KCNQ2: variants seen among roughly 807,000 people sequenced by gnomAD.
KCNQ2 encodes the protein potassium voltage-gated channel subfamily Q member 2.
A neutral mutation model predicts 84.8 loss-of-function variants in KCNQ2; 14 were observed. That is an observed-to-expected ratio of 0.17 (90% CI 0.11 to 0.26). The LOEUF is 0.26. KCNQ2 is among the 10% of genes least tolerant of loss of function. The pLI is 1.00. For synonymous variants in KCNQ2, 599 were observed against 554.1 expected (o/e 1.08, Z -1.14); for missense variants, 788 against 1,254.0 (o/e 0.63, Z 5.61).
At chr20:63,410,773 G>A (rs73918906) in intron 15 of KCNQ2, among the ~76,000 whole-genome samples, 12,221 of 152,224 alleles carry the variant, frequency 0.08, 547 homozygotes, top group Middle Eastern at 0.15. Flanking sequence ...CCCAGACGCC[G>A]TCCCCACCAG....
At chr20:63,444,501 C>T (rs2081352945) in intron 4 of KCNQ2, among the ~76,000 whole-genome samples, 158 bp downstream of exon 4, 1 of 152,168 alleles carries the variant, frequency 6.6e-6, no homozygotes, top group South Asian at 2.1e-4. Flanking sequence ...GGGAGGGAGG[C>T]TCGTTCACAC....
At chr20:63,424,278 C>A in intron 10 of KCNQ2, 72 bp from the exon 11 acceptor site, 28 of 1,509,922 alleles carry the variant, frequency 1.9e-5, no homozygotes, top group Non-Finnish European at 2.4e-5. Context: ...ACCAGTCCAG[C>A]CCCCCACAGT....
rs2145483858 is a variant in KCNQ2, at chr20:63,406,894, A to G, written c.2369T>C (p.Ile790Thr). The G allele has an allele frequency of 6.2e-7, 1 of 1,611,566 alleles. No individual in the cohort carries two copies. Among genetic ancestry groups the G allele is most frequent in the Non-Finnish European group, 8.5e-7 (1 of 1,179,576 alleles). ...NLRDSDTSIS[I>T]PSVDHEELER... ...CAGCTCCTCGTGGTCCACGGACGGG[A>G]TGGAGATGGACGTGTCGCTGTCCCG... Residue 790 changes from isoleucine (I) to threonine (T), a missense_variant, in exon 17 of 17, where the codon ATC becomes ACC. By Grantham distance (89) the Ile-to-Thr change is moderately conservative. Around this residue, in one of 8 missense-constraint regions of KCNQ2, gnomAD observed 378 missense variants for 434.5 expected, o/e 0.87. Transcript: ENST00000359125.
intron 1 of KCNQ2, among the ~76,000 whole-genome samples, chr20:63,456,097 T>A (rs1600833445): frequency 9.8e-6 from 1 of 102,256 alleles, no homozygotes; most frequent in South Asian, 4.0e-4. Context: ...GGGAGGCCCC[T>A]CTGCCCACGG....
At chr20:63,453,039 G>T (rs896470755) in intron 1 of KCNQ2, among the ~76,000 whole-genome samples, 4 of 152,166 alleles carry the variant, frequency 2.6e-5, no homozygotes, top group African/African-American at 9.7e-5. Flanking sequence ...AAGAGCCAGA[G>T]CCTGCCCCAC....
chr20:63,461,517 C>G (rs967088818), intron 1 of KCNQ2, among the ~76,000 whole-genome samples: 2 of 152,220 alleles, frequency 1.3e-5, no homozygotes, highest in Non-Finnish European at 2.9e-5. Flanking sequence ...AGGGGATCCT[C>G]TGGCCCACGA....
In KCNQ2 at chr20:63,407,170, T is replaced by A; in HGVS notation, c.2093A>T (p.Gln698Leu). 6.2e-7 allele frequency: 1 copy of A among 1,602,614 alleles called. No individual in the cohort carries two copies. The highest frequency in any genetic ancestry group is 8.5e-7 in the Non-Finnish European group (1 of 1,177,530). ...KIVRSSSSTG[Q>L]KNFSAPPAAP... ...GGCCGGGGGCGCCGAGAAGTTCTTC[T>A]GGCCCGTGGAGCTGCTGGAGCGCAC... Residue 698 changes from glutamine to leucine, a missense_variant, in exon 17 of 17, where the codon CAG becomes CTG. Around this residue, in one of 8 missense-constraint regions of KCNQ2, gnomAD observed 378 missense variants for 434.5 expected, o/e 0.87. Transcript: ENST00000359125. This position sits in a 1 kb window ranked among gnomAD's most constrained non-coding sequence, Gnocchi z 7.2.
At position 63,472,582 on chromosome 20, in the gene KCNQ2, T is replaced by C; in HGVS notation, c.-119A>G. ...GGAGCCGCATGGCCGAGGCGGCGGT[T>C]CCGCACTCCTGCCGGGCTTGGGCCG... On this transcript the variant is annotated 5_prime_UTR_variant, in exon 1 of 17. Transcript: ENST00000359125. The C allele has an allele frequency of 1.2e-6, 1 of 868,926 alleles. No homozygotes were observed. The highest frequency in any genetic ancestry group is 1.5e-6 in the Non-Finnish European group (1 of 680,306). The allele number at this position is 868,926 out of a possible 1,614,324, so 53.8% of individuals were successfully genotyped here. A position where few individuals can be genotyped will look rare whatever the true frequency, so the allele number is the denominator to read the frequency against.
At chr20:63,455,794 T>TTC (rs2081767483) in intron 1 of KCNQ2, among the ~76,000 whole-genome samples, 2 of 143,308 alleles carry the variant, frequency 1.4e-5, no homozygotes, top group East Asian at 2.1e-4. Context: ...ACCCCTGTGC[T>TTC]CACGGACCCC....
At chr20:63,424,259 G>T in intron 10 of KCNQ2, 53 bp from the exon 11 acceptor site, 1 of 1,548,324 alleles carries the variant, frequency 6.5e-7, no homozygotes, top group Non-Finnish European at 8.7e-7. Context: ...CACCCATGAG[G>T]GTCCCCCAAC....
At chr20:63,424,879 G>A (rs763608029) in intron 10 of KCNQ2, among the ~76,000 whole-genome samples, 1 of 152,222 alleles carries the variant, frequency 6.6e-6, no homozygotes, top group African/African-American at 2.4e-5. Flanking sequence ...GATCTCATTC[G>A]AACACCTGGG....
At chr20:63,449,850 A>C (rs966841645) in intron 1 of KCNQ2, among the ~76,000 whole-genome samples, 7 of 151,488 alleles carry the variant, frequency 4.6e-5, no homozygotes, top group African/African-American at 1.5e-4. Flanking sequence ...CCATCACCCC[A>C]GGCTCAGGCT....
In KCNQ2 at chr20:63,472,265, G is replaced by A. The variant is rs972841085; in HGVS notation, c.199C>T (p.Pro67Ser). Residue 67 changes from proline (P) to serine (S), a missense_variant, in exon 1 of 17, where the codon CCC becomes TCC. Physicochemically the swap from Pro to Ser is moderately conservative, Grantham distance 74. Coordinates refer to ENST00000359125, the MANE Select transcript of KCNQ2 (RefSeq NM_172107.4). The part of the protein sequence containing the change: ...PRAGGAGAGK[P>S]PKRNAFYRKL... ...CGGTAGAAGGCGTTGCGCTTGGGGG[G>A]CTTCCCGGCGCCCGCGCCGCCCGCG... 1.6e-5 allele frequency: 24 copies of A among 1,537,962 alleles called. No individual in the cohort carries two copies. The highest frequency in any genetic ancestry group is 2.8e-5 in the African/African-American group (2 of 70,772).
Position 63,415,130 on chromosome 20 carries a change from C to T in KCNQ2, c.1302-4G>A, listed in dbSNP as rs1014669558. 6 of 1,525,874 alleles carry T rather than the reference C, an allele frequency of 3.9e-6. No individual in the cohort carries two copies. Among genetic ancestry groups the T allele is most frequent in the Non-Finnish European group, 3.5e-6 (4 of 1,136,952 alleles). 94.5% of individuals were successfully genotyped at this position (1,525,874 alleles called of 1,614,324 possible). A position where few individuals can be genotyped will look rare whatever the true frequency, so the allele number is the denominator to read the frequency against. On this transcript the variant is annotated splice_region_variant and splice_polypyrimidine_tract_variant and intron_variant, in intron 12 of 16. Coordinates refer to ENST00000359125, the MANE Select transcript of KCNQ2 (RefSeq NM_172107.4). ...ATCTTTCAAACTGACCTTCTGGCTGCTCCCACGGGAACCGACAGACAGACA... is the reference window on the plus strand; with the variant it reads ...ATCTTTCAAACTGACCTTCTGGCTGTTCCCACGGGAACCGACAGACAGACA...
At chr20:63,417,951 T>C (rs1316658709) in intron 12 of KCNQ2, among the ~76,000 whole-genome samples, 1 of 152,068 alleles carries the variant, frequency 6.6e-6, no homozygotes, top group Non-Finnish European at 1.5e-5. Context: ...GCGGCCCTGC[T>C]GTCCCGGGTC....
At chr20:63,466,524 G>T (rs796095854) in intron 1 of KCNQ2, 16 of 152,358 alleles carry the variant, frequency 1.1e-4, no homozygotes, top group African/African-American at 2.9e-4. Flanking sequence ...TCCGTCCGGG[G>T]TGAGGCCTTC....
rs1206116077 is a variant in KCNQ2 at position 63,425,832 on chromosome 20, G to A, written c.1218-1626C>T. Among the ~76,000 whole-genome samples the A allele has an allele frequency of 6.6e-6, 1 of 152,204 alleles. No individual in the cohort carries two copies. Reference sequence around the variant, plus strand: ...TGAGACCGTGGGTGTGCGCCAACCTGGGGCTAAAGTCCTCCATGCATGGGC... The same window carrying A: ...TGAGACCGTGGGTGTGCGCCAACCTAGGGCTAAAGTCCTCCATGCATGGGC... On this transcript the variant is annotated intron_variant, in intron 10 of 16. Transcript: ENST00000359125. This position sits in a 1 kb window ranked among gnomAD's most constrained non-coding sequence, Gnocchi z 5.5.
chr20:63,407,834 C>G lies in KCNQ2; in HGVS notation c.1888-459G>C, dbSNP rs1357680567. ...AGAGGAGGCCCAGGAGCAGCTCTTC[C>G]TCCTTCCCAGACCCCTAGGGGCAAA... On this transcript the variant is annotated intron_variant, in intron 16 of 16. Coordinates refer to ENST00000359125, the MANE Select transcript of KCNQ2 (RefSeq NM_172107.4). The surrounding 1 kb of genome is among the most constrained non-coding windows in gnomAD (Gnocchi z 7.2). 2.5e-5 allele frequency: 5 copies of G among 202,110 alleles called. No homozygotes were observed. Among genetic ancestry groups the G allele is most frequent in the Non-Finnish European group, 4.1e-5 (4 of 97,928 alleles). The allele number at this position is 202,110 out of a possible 1,614,324, so 12.5% of individuals were successfully genotyped here. A position where few individuals can be genotyped will look rare whatever the true frequency, so the allele number is the denominator to read the frequency against.
chr20:63,423,319 G>A (rs572117878), intron 11 of KCNQ2, among the ~76,000 whole-genome samples: 31 of 152,160 alleles, frequency 2.0e-4, no homozygotes, highest in Non-Finnish European at 4.3e-4. Flanking sequence ...AGTCCAGGAG[G>A]GGCAGCCAGG....
Sources: gnomAD v4.1 joint callset for allele counts (sites outside exome capture counted in the v4.1 genomes callset) on GRCh38, gnomAD v4.1.1 for gene constraint, gnomAD v4.1.1 regional missense constraint, Gnocchi (gnomAD v3.1) non-coding constraint, MANE v1.5 for transcripts, NCBI Gene and HGNC (gene_info 2026-07-23, HGNC 2026-07-21) for gene names.